MITD1: variants seen among roughly 807,000 people sequenced by gnomAD.
MITD1 encodes MIT domain-containing protein 1.
Under a neutral mutation model 34.9 loss-of-function variants are expected in MITD1, and 24 were observed. The ratio of observed to expected loss-of-function variants is 0.69; its 90% confidence interval spans 0.50 to 0.97. The LOEUF (loss-of-function observed/expected upper bound fraction) is 0.97, where lower values mean the gene tolerates loss of function less well. MITD1 is among the 50% of genes least tolerant of loss of function. The pLI is 0.00. For missense variants in MITD1, 266 were observed against 294.6 expected, an observed-to-expected ratio of 0.90 and a Z score of 0.71; for synonymous variants, 102 against 101.4, an observed-to-expected ratio of 1.01 and a Z score of -0.04.
chr2:99,167,301 TTG>T (rs1291021980), downstream of MITD1, among the ~76,000 whole-genome samples: 1 of 152,150 alleles, frequency 6.6e-6, no homozygotes, highest in African/African-American at 2.4e-5. Context: ...GGAATACAAT[TTG>T]TCTTTCTAGT....
chr2:99,171,338 C>T lies in MITD1; in HGVS notation c.477+5G>A. 6.2e-7 allele frequency: 1 copy of T among 1,602,640 alleles called. No individual in the cohort carries two copies. The highest frequency in any genetic ancestry group is 8.5e-7 in the Non-Finnish European group (1 of 1,171,666). On this transcript the variant is annotated splice_donor_5th_base_variant and intron_variant, in intron 4 of 6. Transcript: ENST00000289359. The stretch of plus-strand genomic sequence containing the variant: ...AAGAAAGAGTAAGTGCTTTCAGGTA[C>T]CTACTTCATCCAGAGAGGTGAGAAG...
In MITD1 at chr2:99,171,446, TG is replaced by T; in HGVS notation, c.391-18del. 1 of 1,600,022 alleles carries T rather than the reference TG, an allele frequency of 6.2e-7. No homozygotes were observed. The highest frequency in any genetic ancestry group is 2.2e-5 in the East Asian group (1 of 44,686). On this transcript the variant is annotated intron_variant, in intron 3 of 6. Transcript: ENST00000289359. ...GTTATACAGCTAAAAGACATTAGAA[TG>T]GATTATTACTAATTTAGTACATTGA...
chr2:99,174,715 T>A (rs1184502206), intron 1 of MITD1, among the ~76,000 whole-genome samples: 2 of 152,188 alleles, frequency 1.3e-5, no homozygotes, highest in Admixed American at 1.3e-4. Context: ...CTTAGACTCC[T>A]GAGTAGCTGG....
intron 1 of MITD1, among the ~76,000 whole-genome samples, chr2:99,177,906 T>C (rs554710709): frequency 2.8e-4 from 43 of 152,340 alleles, no homozygotes; most frequent in African/African-American, 1.0e-3. Flanking sequence ...ACTTCTATGA[T>C]ATTAACTTTT....
rs749401789 is a variant in MITD1, at chr2:99,181,008, A to G, written c.-27T>C. 1.2e-6 allele frequency: 2 copies of G among 1,605,468 alleles called. No homozygotes were observed. The highest frequency in any genetic ancestry group is 3.4e-5 in the Admixed American group (2 of 59,106). On this transcript the variant is annotated 5_prime_UTR_variant, in exon 1 of 7. Transcript: ENST00000289359. ...ATTCTGGAAGTTCTCCTCCGCCTCA[A>G]CCCAGGATGAAGTTGAGCGGGTCTG...
chr2:99,170,856 GAACAT>G, intron 4 of MITD1: 2 of 358,882 alleles, frequency 5.6e-6, no homozygotes, highest in South Asian at 6.5e-5. Flanking sequence ...TTTCTAATGT[GAACAT>G]AACTCCATCC....
At chr2:99,177,696 T>G (rs2093895892) in intron 1 of MITD1, among the ~76,000 whole-genome samples, 2 of 151,752 alleles carry the variant, frequency 1.3e-5, no homozygotes, top group Non-Finnish European at 2.9e-5. Flanking sequence ...TAAGAGAGGG[T>G]TTCACCATGT....
rs373610498 is a variant in MITD1 at position 99,162,710 on chromosome 2, G to A, written c.*4-492C>T. The A allele has an allele frequency of 8.0e-5, 129 of 1,614,120 alleles. No homozygotes were observed. The highest frequency in any genetic ancestry group is 3.2e-4 in the South Asian group (29 of 91,076). Reference sequence around the variant, plus strand: ...ATCACATTCACCTAATAAACCCAACGGATGAGACACTGTTTCCTGGAATAA... The same window carrying A: ...ATCACATTCACCTAATAAACCCAACAGATGAGACACTGTTTCCTGGAATAA... On this transcript the variant is annotated intron_variant, in intron 7 of 7. Coordinates refer to the MITD1 transcript ENST00000422537.
intron 1 of MITD1, chr2:99,178,454 G>A (rs1376583384): frequency 1.3e-5 from 2 of 152,210 alleles, no homozygotes; most frequent in African/African-American, 2.4e-5. Context: ...TGTGGATACA[G>A]CAGTTCGTAA....
chr2:99,166,792 C>G (rs566116011), downstream of MITD1, among the ~76,000 whole-genome samples: 1 of 147,582 alleles, frequency 6.8e-6, no homozygotes, highest in Admixed American at 6.8e-5. Flanking sequence ...ATTTACATGA[C>G]CAAGTCTTTT....
At chr2:99,176,368 T>C (rs2093886408) in intron 1 of MITD1, among the ~76,000 whole-genome samples, 1 of 150,940 alleles carries the variant, frequency 6.6e-6, no homozygotes, top group African/African-American at 2.4e-5. Flanking sequence ...AGTCTCGCTG[T>C]GTTGCCCAGG....
At chr2:99,178,618 G>A (rs1159864342) in intron 1 of MITD1, among the ~76,000 whole-genome samples, 1 of 152,150 alleles carries the variant, frequency 6.6e-6, no homozygotes, top group Admixed American at 6.5e-5. Flanking sequence ...TACACTGGAG[G>A]TCTGGGAAAG....
chr2:99,170,567 TA>T lies in MITD1; in HGVS notation c.562del (p.Tyr188ThrfsTer17). On this transcript the variant is annotated frameshift_variant, in exon 5 of 7. Coordinates refer to ENST00000289359, the MANE Select transcript of MITD1 (RefSeq NM_138798.3). LOFTEE classifies it high-confidence loss of function. ...RSHGVLLEVQYSSSIHDREIR... is the reference protein window; with the variant it reads ...RSHGVLLEVQXSSSIHDREIR... ...TTCTCGGTCATGTATTGAAGAAGAG[TA>T]TTGAACTTCCAACAGCACTCCGTGA... is the stretch of plus-strand genomic sequence containing the variant. 6.3e-7 allele frequency: 1 copy of T among 1,589,374 alleles called. No individual in the cohort carries two copies. Among genetic ancestry groups the T allele is most frequent in the East Asian group, 2.2e-5 (1 of 44,672 alleles).
At chr2:99,164,179 T>C (rs548491748) in intron 7 of MITD1, among the ~76,000 whole-genome samples, 3 of 152,292 alleles carry the variant, frequency 2.0e-5, no homozygotes, top group South Asian at 4.1e-4. Context: ...TTCCCCTCAT[T>C]CTTAAGGGGA....
downstream of MITD1, among the ~76,000 whole-genome samples, chr2:99,165,692 G>A (rs1350851487): frequency 1.3e-5 from 2 of 152,194 alleles, no homozygotes; most frequent in Admixed American, 1.3e-4. Flanking sequence ...CCTGGTAGGA[G>A]GTAGAGCCTA....
chr2:99,174,934 T>C (rs12992930), intron 1 of MITD1, among the ~76,000 whole-genome samples: 90,121 of 150,272 alleles, frequency 0.6, 27,584 homozygotes, highest in East Asian at 0.88. Flanking sequence ...CCATATTGGT[T>C]AGGCTGGTCT....
At chr2:99,165,367 T>A (rs1245881560), downstream of MITD1, among the ~76,000 whole-genome samples, 1 of 152,086 alleles carries the variant, frequency 6.6e-6, no homozygotes, top group Non-Finnish European at 1.5e-5. Context: ...GCACCTGGCC[T>A]TTACTCCTAG....
chr2:99,173,877 G>GTT, intron 2 of MITD1, 38 bp downstream of exon 2: 1 of 1,281,258 alleles, frequency 7.8e-7, no homozygotes, highest in Non-Finnish European at 1.1e-6. Context: ...GACAGTCACA[G>GTT]TTGTTTATGG....
intron 1 of MITD1, 57 bp downstream of exon 1, chr2:99,180,774 C>A: frequency 2.1e-6 from 3 of 1,462,742 alleles, no homozygotes; most frequent in Non-Finnish European, 2.9e-6. Context: ...TCACCCCAGA[C>A]ACAGCAGGAA....
Sources: gnomAD v4.1 joint callset for allele counts (sites outside exome capture counted in the v4.1 genomes callset) on GRCh38, gnomAD v4.1.1 for gene constraint, MANE v1.5 for transcripts, NCBI Gene and HGNC (gene_info 2026-07-23, HGNC 2026-07-21) for gene names.